Variants in ROBO3 observed in about 807,000 individuals in gnomAD.
ROBO3 encodes the protein roundabout homolog 3.
A neutral mutation model predicts 160.5 loss-of-function variants in ROBO3; 97 were observed. The observed-to-expected ratio is 0.60, with a 90% confidence interval of 0.51 to 0.72. The LOEUF (loss-of-function observed/expected upper bound fraction) is 0.72. Among genes scored for constraint, ROBO3 ranks in the 30% least tolerant of loss-of-function variants. The probability of loss-of-function intolerance (pLI) is 0.00; values close to 1 mark genes in which losing one functional copy is unlikely to be tolerated. For missense variants in ROBO3, 1,858 were observed against 1,846.5 expected, an observed-to-expected ratio of 1.01 and a Z score of -0.11; for synonymous variants, 780 against 746.2, an observed-to-expected ratio of 1.05 and a Z score of -0.74.
In ROBO3 at chr11:124,878,727, C is replaced by T. The variant is rs377360801; in HGVS notation, c.3464C>T (p.Thr1155Ile). The T allele has an allele frequency of 1.2e-6, 2 of 1,613,944 alleles. No individual in the cohort carries two copies. Among genetic ancestry groups the T allele is most frequent in the Non-Finnish European group, 1.7e-6 (2 of 1,179,882 alleles). Reference protein sequence around the residue: ...TPSYGQQSTATLTPSPPDPPQ... With the variant: ...TPSYGQQSTAILTPSPPDPPQ... ...TCCTATGGACAGCAGTCCACAGCCA[C>T]TCTTACACCCTCACCTCCTGACCCT... Residue 1155 changes from threonine to isoleucine, a missense_variant, in exon 23 of 28, where the codon ACT becomes ATT. By Grantham distance (89) the Thr-to-Ile change is moderately conservative. Coordinates refer to ENST00000397801, the MANE Select transcript of ROBO3 (RefSeq NM_022370.4). This position sits in a 1 kb window ranked among gnomAD's most constrained non-coding sequence, Gnocchi z 4.3.
rs748000368 is a variant in ROBO3 at position 124,877,224 on chromosome 11, G to C, written c.2803+40G>C. ...CCCCAGTGGGGTTCAGACCCCCCGG[G>C]ACGGGCCCTTCTCTCACTCATTCGC... On this transcript the variant is annotated intron_variant, in intron 18 of 27. Coordinates refer to ENST00000397801, the MANE Select transcript of ROBO3 (RefSeq NM_022370.4). The C allele has an allele frequency of 1.9e-6, 3 of 1,613,974 alleles. No individual in the cohort carries two copies. The East Asian group carries it at 6.7e-5, about 36-fold the overall frequency.
intron 1 of ROBO3, chr11:124,868,416 C>T (rs1206943661): frequency 3.7e-6 from 2 of 537,632 alleles, no homozygotes; most frequent in Non-Finnish European, 6.7e-6. Flanking sequence ...ATCCGTGAAC[C>T]AGTGCAGGTG....
At position 124,874,843 on chromosome 11, in the gene ROBO3, G is replaced by A. The variant is rs753075502; in HGVS notation, c.2007G>A (p.Ala669=). 1.6e-5 allele frequency: 25 copies of A among 1,601,548 alleles called. No homozygotes were observed. Among genetic ancestry groups the A allele is most frequent in the Admixed American group, 1.0e-4 (6 of 58,078 alleles). ...CATGGAGAGGCCAGCAGGGACTGGCGGAAGTGGCTGTGCGCCTGCAGGAGC... is the reference window on the plus strand; with the variant it reads ...CATGGAGAGGCCAGCAGGGACTGGCAGAAGTGGCTGTGCGCCTGCAGGAGC... ...EDPWRGQQGL[A]EVAVRLQEPI... Residue 669 remains alanine, a synonymous_variant, in exon 13 of 28, where the codon GCG becomes GCA. Transcript: ENST00000397801.
At position 124,870,475 on chromosome 11, in the gene ROBO3, T is replaced by C. The variant is rs1279315388; in HGVS notation, c.906-126T>C. The stretch of plus-strand genomic sequence containing the variant: ...CCACCTCCATTGATGGGTCCATGGG[T>C]AACCAGCTTCTGTCCCTGCTGGGTC... On this transcript the variant is annotated intron_variant, in intron 5 of 27. Coordinates refer to ENST00000397801, the MANE Select transcript of ROBO3 (RefSeq NM_022370.4). 7 of 1,504,984 alleles carry C rather than the reference T, an allele frequency of 4.7e-6. No homozygotes were observed. In the East Asian group the frequency reaches 1.2e-4, roughly 26 times the overall value. 93.2% of individuals were successfully genotyped at this position (1,504,984 alleles called of 1,614,324 possible).
Position 124,870,603 on chromosome 11 carries a change from A to T in ROBO3, c.908A>T (p.Tyr303Phe), listed in dbSNP as rs780547288. ...KEDGELPTGR[Y>F]EIRSDHSLWI... ...GCCTGGGGTGGGGAGTGGAGCAGGT[A>T]TGAGATCCGGAGTGACCACAGCCTT... Residue 303 changes from tyrosine (Y) to phenylalanine (F), a missense_variant and splice_region_variant, in exon 6 of 28, where the codon TAT (tyrosine) becomes TTT (phenylalanine). Physicochemically the swap from Tyr to Phe is conservative, Grantham distance 22 (BLOSUM62 3). Transcript: ENST00000397801. 1 of 1,613,780 alleles carries T rather than the reference A, an allele frequency of 6.2e-7. No homozygotes were observed. The highest frequency in any genetic ancestry group is 8.5e-7 in the Non-Finnish European group (1 of 1,179,848).
chr11:124,866,645 T>A (rs932484668), intron 1 of ROBO3, among the ~76,000 whole-genome samples: 2 of 152,196 alleles, frequency 1.3e-5, no homozygotes, highest in African/African-American at 4.8e-5. Flanking sequence ...GTGGGGCACA[T>A]CAGGTGCTGA....
chr11:124,868,609 G>C, intron 1 of ROBO3, 193 bp from the exon 2 acceptor site: 1 of 706,814 alleles, frequency 1.4e-6, no homozygotes. Flanking sequence ...CTTCCTTTGA[G>C]ACGAGGAACG....
In ROBO3 at chr11:124,874,835, G is replaced by A. The variant is rs1174813019; in HGVS notation, c.1999G>A (p.Gly667Arg). The A allele has an allele frequency of 6.2e-7, 1 of 1,603,494 alleles. No homozygotes were observed. The highest frequency in any genetic ancestry group is 8.5e-7 in the Non-Finnish European group (1 of 1,175,196). Residue 667 changes from glycine to arginine, a missense_variant, in exon 13 of 28, where the codon GGA (glycine) becomes AGA (arginine). Transcript: ENST00000397801. ...GGAGGACCCATGGAGAGGCCAGCAG[G>A]GACTGGCGGAAGTGGCTGTGCGCCT... ...PVEDPWRGQQ[G>R]LAEVAVRLQE...
In ROBO3 at chr11:124,876,542, G is replaced by A. The variant is rs1332113469; in HGVS notation, c.2779+82G>A. ...GAGGGGCAGGGGCTTAGCCGCTGGCGAGTGAGGACCGGGTCGGGAGAAAGG... is the reference window on the plus strand; with the variant it reads ...GAGGGGCAGGGGCTTAGCCGCTGGCAAGTGAGGACCGGGTCGGGAGAAAGG... On this transcript the variant is annotated intron_variant, in intron 17 of 27. Coordinates refer to ENST00000397801, the MANE Select transcript of ROBO3 (RefSeq NM_022370.4). The surrounding 1 kb of genome is among the most constrained non-coding windows in gnomAD (Gnocchi z 5.3). 3 of 1,201,892 alleles carry A rather than the reference G, an allele frequency of 2.5e-6. No homozygotes were observed. The highest frequency in any genetic ancestry group is 2.3e-5 in the South Asian group (1 of 43,310). 74.5% of individuals were successfully genotyped at this position (1,201,892 alleles called of 1,614,324 possible). A position where few individuals can be genotyped will look rare whatever the true frequency, so the allele number is the denominator to read the frequency against.
rs1030940024 is a variant in ROBO3, at chr11:124,881,370, T to G, written c.*120T>G. ...AGCCCATTGGTTTCCACGATTTCAA[T>G]TGGCTGAGAAGGCAGAGAGCTAGCT... On this transcript the variant is annotated 3_prime_UTR_variant, in exon 28 of 28. Coordinates refer to ENST00000397801, the MANE Select transcript of ROBO3 (RefSeq NM_022370.4). 1.8e-5 allele frequency: 18 copies of G among 999,808 alleles called. No individual in the cohort carries two copies. The highest frequency in any genetic ancestry group is 2.8e-5 in the Non-Finnish European group (18 of 654,426). 61.9% of individuals were successfully genotyped at this position (999,808 alleles called of 1,614,324 possible). A position where few individuals can be genotyped will look rare whatever the true frequency, so the allele number is the denominator to read the frequency against.
rs1300320879 is a variant in ROBO3 at position 124,876,292 on chromosome 11, G to T, written c.2611G>T (p.Glu871Ter). 1 of 1,463,254 alleles carries T rather than the reference G, an allele frequency of 6.8e-7. No individual in the cohort carries two copies. Among genetic ancestry groups the T allele is most frequent in the East Asian group, 2.5e-5 (1 of 39,650 alleles). 90.6% of individuals were successfully genotyped at this position (1,463,254 alleles called of 1,614,324 possible). Residue 871 changes from glutamate to a stop codon, truncating the protein, a stop_gained, in exon 17 of 28, where the codon GAG becomes TAG. Transcript: ENST00000397801. LOFTEE classifies it high-confidence loss of function. This position sits in a 1 kb window ranked among gnomAD's most constrained non-coding sequence, Gnocchi z 5.3. ...CCCCACAGCGTCCCCGCCGGACCTG[G>T]AGCCCGGGCTGGAGGTGGGCGCGGG... Reference protein sequence around the residue: ...LVQLPSPPDLEPGLEVGAGLA... With the variant: ...LVQLPSPPDL
Position 124,876,052 on chromosome 11 carries a change from C to G in ROBO3, c.2520C>G (p.Leu840=). Residue 840 remains leucine, a synonymous_variant, in exon 16 of 28, where the codon CTC becomes CTG. Transcript: ENST00000397801. This position sits in a 1 kb window ranked among gnomAD's most constrained non-coding sequence, Gnocchi z 5.3. ...AMLRGLVPGL[L]YRTLVAAATS... ...TCCGAGGACTGGTGCCCGGTCTCCT[C>G]TATCGAACCCTGGTCGCGGCGGCCA... 1 of 1,609,660 alleles carries G rather than the reference C, an allele frequency of 6.2e-7. No individual in the cohort carries two copies. Among genetic ancestry groups the G allele is most frequent in the Non-Finnish European group, 8.5e-7 (1 of 1,178,656 alleles).
rs1946367084 is a variant in ROBO3 at position 124,876,298 on chromosome 11, G to T, written c.2617G>T (p.Gly873Trp). ...QLPSPPDLEPGLEVGAGLAVR... is the reference protein window; with the variant it reads ...QLPSPPDLEPWLEVGAGLAVR... ...AGCGTCCCCGCCGGACCTGGAGCCC[G>T]GGCTGGAGGTGGGCGCGGGGCTGGC... The change falls in exon 17 of 28, where the codon GGG (glycine) becomes TGG (tryptophan). Residue 873 changes from glycine to tryptophan, a missense_variant. Coordinates refer to ENST00000397801, the MANE Select transcript of ROBO3 (RefSeq NM_022370.4). This position sits in a 1 kb window ranked among gnomAD's most constrained non-coding sequence, Gnocchi z 5.3. 4 of 1,456,976 alleles carry T rather than the reference G, an allele frequency of 2.7e-6. No individual in the cohort carries two copies. In the East Asian group the frequency reaches 1.0e-4, roughly 37 times the overall value. 90.3% of individuals were successfully genotyped at this position (1,456,976 alleles called of 1,614,324 possible). A position where few individuals can be genotyped will look rare whatever the true frequency, so the allele number is the denominator to read the frequency against.
Position 124,877,498 on chromosome 11 carries a change from CGCTCACCT to C in ROBO3, c.2847-16_2847-9del. The C allele has an allele frequency of 6.2e-7, 1 of 1,600,156 alleles. No individual in the cohort carries two copies. ...GCCTCTTCAGGCTCTCCGTCCCCAA[CGCTCACCT>C]GCTCTCCCTCAGGCCACCCATGGGC... is the stretch of plus-strand genomic sequence containing the variant. On this transcript the variant is annotated splice_polypyrimidine_tract_variant and intron_variant, in intron 19 of 27. Transcript: ENST00000397801.
chr11:124,866,747 G>C (rs1482575317), intron 1 of ROBO3, among the ~76,000 whole-genome samples: 1 of 152,218 alleles, frequency 6.6e-6, no homozygotes, highest in Non-Finnish European at 1.5e-5. Flanking sequence ...GGTAGAGGGG[G>C]AAATTCCAGG....
chr11:124,870,893 A>T, intron 6 of ROBO3, 121 bp from the exon 7 acceptor site: 3 of 1,519,884 alleles, frequency 2.0e-6, no homozygotes, highest in Non-Finnish European at 2.7e-6. Flanking sequence ...GGCCGGGAGG[A>T]AGAGATGGAT....
At position 124,878,123 on chromosome 11, in the gene ROBO3, G is replaced by A; in HGVS notation, c.3173G>A (p.Gly1058Glu). 1.2e-6 allele frequency: 2 copies of A among 1,605,206 alleles called. No homozygotes were observed. The highest frequency in any genetic ancestry group is 1.7e-6 in the Non-Finnish European group (2 of 1,176,442). ...SQYAPPEWSQ[G>E]DSGAKGGKVK... is the part of the protein sequence containing the mutation. ...TACGCTCCTCCAGAGTGGAGCCAGG[G>A]GGACAGTGGTATGACTCCAACTCCT... Residue 1058 changes from glycine (G) to glutamate (E), a missense_variant, in exon 21 of 28, where the codon GGG becomes GAG. Coordinates refer to ENST00000397801, the MANE Select transcript of ROBO3 (RefSeq NM_022370.4). This position sits in a 1 kb window ranked among gnomAD's most constrained non-coding sequence, Gnocchi z 4.3.
chr11:124,868,860 G>T lies in ROBO3; in HGVS notation c.219G>T (p.Leu73=). 6.2e-7 allele frequency: 1 copy of T among 1,609,504 alleles called. No individual in the cohort carries two copies. The highest frequency in any genetic ancestry group is 8.5e-7 in the Non-Finnish European group (1 of 1,178,542). The stretch of plus-strand genomic sequence containing the variant: ...GCATCGTGGAGCAGCCGCCAGATCT[G>T]CTGGTCTCCCGAGGCGAGCCCGCCA... ...MPRIVEQPPD[L]LVSRGEPATL... is the part of the protein sequence containing the mutation. The change falls in exon 2 of 28, where the codon CTG becomes CTT. Residue 73 remains leucine, a synonymous_variant. Coordinates refer to ENST00000397801, the MANE Select transcript of ROBO3 (RefSeq NM_022370.4).
In ROBO3 at chr11:124,865,645, T is replaced by C. The variant is rs1208497419; in HGVS notation, c.68T>C (p.Ile23Thr). ...TTCGCGGACTCTCTGGCCGGGGACATCTCCAACTCCAGCGAGCTGCTCTTG... is the reference window on the plus strand; with the variant it reads ...TTCGCGGACTCTCTGGCCGGGGACACCTCCAACTCCAGCGAGCTGCTCTTG... Reference protein sequence around the residue: ...NLFADSLAGDISNSSELLLGF... With the variant: ...NLFADSLAGDTSNSSELLLGF... Residue 23 changes from isoleucine (I) to threonine (T), a missense_variant, in exon 1 of 28, where the codon ATC becomes ACC. Transcript: ENST00000397801. This position sits in a 1 kb window ranked among gnomAD's most constrained non-coding sequence, Gnocchi z 5.5. 2 of 1,612,868 alleles carry C rather than the reference T, an allele frequency of 1.2e-6. No individual in the cohort carries two copies. Among genetic ancestry groups the C allele is most frequent in the Admixed American group, 3.3e-5 (2 of 59,928 alleles).
Sources: gnomAD v4.1 joint callset for allele counts (sites outside exome capture counted in the v4.1 genomes callset) on GRCh38, gnomAD v4.1.1 for gene constraint, Gnocchi (gnomAD v3.1) non-coding constraint, MANE v1.5 for transcripts, NCBI Gene and HGNC (gene_info 2026-07-23, HGNC 2026-07-21) for gene names.